ZCCHC10: variants seen among roughly 807,000 people sequenced by gnomAD.
ZCCHC10 encodes the protein zinc finger CCHC domain-containing protein 10.
A neutral mutation model predicts 19.5 loss-of-function variants in ZCCHC10; 16 were observed. The ratio of observed to expected loss-of-function variants is 0.82; its 90% CI spans 0.56 to 1.25. The LOEUF is 1.25. ZCCHC10 is among the 50% of genes most tolerant of loss of function. The pLI, the probability that ZCCHC10 is intolerant of heterozygous loss-of-function variation, is 0.00. For missense variants in ZCCHC10, 197 were observed against 201.0 expected (o/e 0.98, Z 0.12); for synonymous variants, 67 against 72.5 (o/e 0.92, Z 0.38).
intron 2 of ZCCHC10, among the ~76,000 whole-genome samples, chr5:133,016,751 C>T (rs1299244963): frequency 6.6e-6 from 1 of 152,086 alleles, no homozygotes; most frequent in African/African-American, 2.4e-5. Context: ...CTATTTTTCT[C>T]TTCTATACTT....
chr5:133,013,016 A>T (rs1364604970), intron 2 of ZCCHC10, among the ~76,000 whole-genome samples: 27 of 150,988 alleles, frequency 1.8e-4, no homozygotes, highest in Non-Finnish European at 1.9e-4. Context: ...GCGCCACTGC[A>T]CTCCAGCCTG....
chr5:133,008,988 G>A (rs909261136), intron 2 of ZCCHC10, among the ~76,000 whole-genome samples: 2 of 151,972 alleles, frequency 1.3e-5, no homozygotes, highest in Non-Finnish European at 2.9e-5. Context: ...ACTTCAACTT[G>A]GGTGACAGAG....
chr5:133,004,620 C>G (rs1359350156), intron 3 of ZCCHC10, among the ~76,000 whole-genome samples: 1 of 152,150 alleles, frequency 6.6e-6, no homozygotes, highest in Non-Finnish European at 1.5e-5. Flanking sequence ...TCCCGAATAG[C>G]TGGGACTACA....
At chr5:133,024,636 T>G (rs1764546309) in intron 1 of ZCCHC10, among the ~76,000 whole-genome samples, 1 of 152,180 alleles carries the variant, frequency 6.6e-6, no homozygotes, top group Admixed American at 6.5e-5. Flanking sequence ...GCGCAGTGGC[T>G]CATGCCTGTA....
chr5:133,013,845 T>C (rs1260972446), intron 2 of ZCCHC10, among the ~76,000 whole-genome samples: 2 of 151,874 alleles, frequency 1.3e-5, no homozygotes, highest in African/African-American at 4.8e-5. Context: ...GTTGAAAAGA[T>C]ATGCTTACTC....
In ZCCHC10 at chr5:132,997,793, CA is replaced by C. The variant is rs1762519155; in HGVS notation, c.*789del. ...TGGTACCTTTTATTGCATGTTAATA[CA>C]CAAAGATATTTCTAGCACTTCTATT... On this transcript the variant is annotated 3_prime_UTR_variant, in exon 5 of 5. Transcript: ENST00000509437. The C allele has an allele frequency of 6.6e-6, 1 of 152,070 alleles. No homozygotes were observed. The highest frequency in any genetic ancestry group is 1.5e-5 in the Non-Finnish European group (1 of 68,008). 9.4% of individuals were successfully genotyped at this position (152,070 alleles called of 1,614,324 possible).
At chr5:133,007,821 A>C (rs917403285) in intron 2 of ZCCHC10, among the ~76,000 whole-genome samples, 7 of 152,192 alleles carry the variant, frequency 4.6e-5, no homozygotes, top group African/African-American at 1.7e-4. Flanking sequence ...GTTGAATTCA[A>C]ATCTTGGCTC....
At chr5:133,015,098 A>C (rs1325069692) in intron 2 of ZCCHC10, among the ~76,000 whole-genome samples, 1 of 59,268 alleles carries the variant, frequency 1.7e-5, no homozygotes, top group African/African-American at 1.3e-4. Flanking sequence ...TTTTTTTTTG[A>C]GACTAAGTCT....
chr5:133,006,778 T>C lies in ZCCHC10; in HGVS notation c.250A>G (p.Arg84Gly), dbSNP rs1175240190. Residue 84 changes from arginine (R) to glycine (G), a missense_variant, in exon 3 of 5, where the codon AGA becomes GGA. Coordinates refer to ENST00000509437, the MANE Select transcript of ZCCHC10 (RefSeq NM_001300816.3). The part of the protein sequence containing the change: ...LKKALKEKEN[R>G]LLLQQSIGET... ...ACCTACCTTTGTTGCAATAATAATC[T>C]GTTTTCTTTTTCTTTTAAAGCTTTC... The C allele has an allele frequency of 2.5e-6, 4 of 1,604,956 alleles. No homozygotes were observed. Among genetic ancestry groups the C allele is most frequent in the Admixed American group, 3.4e-5 (2 of 58,588 alleles).
intron 4 of ZCCHC10, 117 bp downstream of exon 4, chr5:133,000,015 T>C (rs1220999359): frequency 1.7e-6 from 2 of 1,182,542 alleles, no homozygotes; most frequent in Non-Finnish European, 2.4e-6. Flanking sequence ...CCCAAAGTGC[T>C]GGGATTATAG....
intron 3 of ZCCHC10, among the ~76,000 whole-genome samples, chr5:133,002,923 T>C (rs1762866360): frequency 6.6e-6 from 1 of 152,078 alleles, no homozygotes; most frequent in South Asian, 2.1e-4. Context: ...TTTCACCATG[T>C]TGGTCAGGCT....
At position 132,997,606 on chromosome 5, in the gene ZCCHC10, T is replaced by C. The variant is rs531383226; in HGVS notation, c.*977A>G. The C allele has an allele frequency of 6.6e-6, 1 of 152,270 alleles. No homozygotes were observed. Among genetic ancestry groups the C allele is most frequent in the Non-Finnish European group, 1.5e-5 (1 of 67,990 alleles). The allele number at this position is 152,270 out of a possible 1,614,324, so 9.4% of individuals were successfully genotyped here. On this transcript the variant is annotated 3_prime_UTR_variant, in exon 5 of 5. Transcript: ENST00000509437. ...TTCATATATATGCAGTAGACTGTCA[T>C]ATATGACCAGTTACCATACAAACTA...
At chr5:133,026,284 C>A (rs532672615) in intron 1 of ZCCHC10, among the ~76,000 whole-genome samples, 12 of 152,360 alleles carry the variant, frequency 7.9e-5, no homozygotes, top group African/African-American at 2.6e-4. Flanking sequence ...CCCGCTCTGT[C>A]CCGTGCCGCA....
chr5:133,024,617 TA>T (rs1270175565), intron 1 of ZCCHC10, among the ~76,000 whole-genome samples: 1 of 152,108 alleles, frequency 6.6e-6, no homozygotes, highest in Non-Finnish European at 1.5e-5. Flanking sequence ...TTGTCTGACT[TA>T]ATGGTGGGCG....
intron 3 of ZCCHC10, among the ~76,000 whole-genome samples, chr5:133,000,514 G>A (rs1762700520): frequency 1.3e-5 from 2 of 152,098 alleles, no homozygotes; most frequent in Admixed American, 1.3e-4. Flanking sequence ...ACAGAACAAA[G>A]CTAATAGCAC....
chr5:133,008,638 A>C (rs1163691313), intron 2 of ZCCHC10, among the ~76,000 whole-genome samples: 1 of 151,798 alleles, frequency 6.6e-6, no homozygotes, highest in Non-Finnish European at 1.5e-5. Flanking sequence ...GCCACGGTGG[A>C]AAGATTGCTT....
At chr5:133,006,574 T>C (rs542562480) in intron 3 of ZCCHC10, among the ~76,000 whole-genome samples, 185 bp downstream of exon 3, 1 of 152,288 alleles carries the variant, frequency 6.6e-6, no homozygotes, top group East Asian at 1.9e-4. Flanking sequence ...AGTGTAGATA[T>C]CAGGTTTAAA....
intron 2 of ZCCHC10, 147 bp from the exon 3 acceptor site, chr5:133,007,067 A>G (rs1365133333): frequency 2.5e-6 from 2 of 791,976 alleles, no homozygotes; most frequent in Admixed American, 3.3e-5. Context: ...GTGAGATTTA[A>G]TACAACAAAG....
Position 132,998,677 on chromosome 5 carries a change from T to C in ZCCHC10, c.485A>G (p.Asp162Gly). The C allele has an allele frequency of 6.2e-7, 1 of 1,614,134 alleles. No individual in the cohort carries two copies. The change falls in exon 5 of 5, where the codon GAT (aspartate) becomes GGT (glycine). Residue 162 changes from aspartate (D) to glycine (G), a missense_variant. Transcript: ENST00000509437. Reference sequence around the variant, plus strand: ...GGAAGAGCTGGAATCTGAGTCTGAATCAGAGGAGGAGGAAGAGGTTGTGGA... The same window carrying C: ...GGAAGAGCTGGAATCTGAGTCTGAACCAGAGGAGGAGGAAGAGGTTGTGGA... ...ASSTTSSSSSDSDSDSSSSSS... is the reference protein window; with the variant it reads ...ASSTTSSSSSGSDSDSSSSSS...
Sources: gnomAD v4.1 joint callset for allele counts (sites outside exome capture counted in the v4.1 genomes callset) on GRCh38, gnomAD v4.1.1 for gene constraint, MANE v1.5 for transcripts, NCBI Gene and HGNC (gene_info 2026-07-23, HGNC 2026-07-21) for gene names.